MUC4: variants seen among roughly 807,000 people sequenced by gnomAD.
MUC4 encodes mucin-4.
A neutral mutation model predicts 257.9 loss-of-function variants in MUC4; 202 were observed. The ratio of observed to expected loss-of-function variants is 0.78; its 90% confidence interval spans 0.70 to 0.88. MUC4 has a LOEUF of 0.88. Among genes scored for constraint, MUC4 ranks in the 40% least tolerant of loss-of-function variants. The pLI is 0.00. For synonymous variants in MUC4, 2,351 were observed against 2,757.1 expected (o/e 0.85, Z 4.62); for missense variants, 5,976 against 6,513.7 (o/e 0.92, Z 2.84).
chr3:195,781,266 G>T lies in MUC4; in HGVS notation c.10314C>A (p.Ala3438=). 1 of 1,505,546 alleles carries T rather than the reference G, an allele frequency of 6.6e-7. No homozygotes were observed. The highest frequency in any genetic ancestry group is 1.2e-5 in the South Asian group (1 of 81,078). The allele number at this position is 1,505,546 out of a possible 1,614,324, so 93.3% of individuals were successfully genotyped here. A position where few individuals can be genotyped will look rare whatever the true frequency, so the allele number is the denominator to read the frequency against. The change falls in exon 2 of 25, where the codon GCC becomes GCA. Residue 3438 remains alanine, a synonymous_variant. Coordinates refer to ENST00000463781, the MANE Select transcript of MUC4 (RefSeq NM_018406.7). ...TSTSSASTGH[A]TPVPVTSTSS... Reference sequence around the variant, plus strand: ...AAGTGCTGGTGACAGGAACAGGGGTGGCGTGACCGGTGGATGCTGAGGAAG... The same window carrying T: ...AAGTGCTGGTGACAGGAACAGGGGTTGCGTGACCGGTGGATGCTGAGGAAG...
intron 1 of MUC4, among the ~76,000 whole-genome samples, chr3:195,811,464 C>T (rs564296937): frequency 9.2e-5 from 14 of 152,202 alleles, no homozygotes; most frequent in Admixed American, 3.9e-4. Context: ...TGAGCCACCG[C>T]GCACGGCCTC....
At position 195,775,438 on chromosome 3, in the gene MUC4, A is replaced by G. The variant is rs866106348; in HGVS notation, c.12944-1133T>C. Among the ~76,000 whole-genome samples the G allele has an allele frequency of 8.1e-4, 69 of 85,466 alleles. 2 individuals carry two copies. The highest frequency in any genetic ancestry group is 2.3e-3 in the African/African-American group (54 of 23,772). 56.1% of individuals were successfully genotyped at this position (85,466 alleles called of 152,430 possible). On this transcript the variant is annotated intron_variant, in intron 3 of 24. Transcript: ENST00000463781. Reference sequence around the variant, plus strand: ...TACCTTCCACACCCATACCTTCCACACCCATACCTTCCACACCCATACCTT... The same window carrying G: ...TACCTTCCACACCCATACCTTCCACGCCCATACCTTCCACACCCATACCTT...
rs1275399465 is a variant in MUC4, at chr3:195,754,053, T to TGATTTCCCACACCTGCCTA, written c.15328+141_15328+159dup. ...CCTAGATTTCCCATACCTGCCTAGA[T>TGATTTCCCACACCTGCCTA]GATTTCCCACACCTGCCTAGATTTC... On this transcript the variant is annotated intron_variant, in intron 19 of 24. Coordinates refer to ENST00000463781, the MANE Select transcript of MUC4 (RefSeq NM_018406.7). The TGATTTCCCACACCTGCCTA allele has an allele frequency of 7.0e-5, 71 of 1,010,332 alleles. No individual in the cohort carries two copies. The East Asian group carries it at 1.6e-3, about 23-fold the overall frequency. The allele number at this position is 1,010,332 out of a possible 1,614,324, so 62.6% of individuals were successfully genotyped here.
chr3:195,768,732 A>C (rs1722156457), intron 7 of MUC4, among the ~76,000 whole-genome samples: 1 of 152,238 alleles, frequency 6.6e-6, no homozygotes, highest in South Asian at 2.1e-4. Context: ...ATATTTGAGA[A>C]GGTAAGAGAG....
In MUC4 at chr3:195,788,944, G is replaced by T. The variant is rs772959197; in HGVS notation, c.2636C>A (p.Ala879Asp). Reference sequence around the variant, plus strand: ...TCCTGTCGGTCTCCCTGCAGTGGAGGCCTCAGAGAGGGTGGGATGAAAGGT... The same window carrying T: ...TCCTGTCGGTCTCCCTGCAGTGGAGTCCTCAGAGAGGGTGGGATGAAAGGT... ...PGTFHPTLSEASTAGRPTGQS... is the reference protein window; with the variant it reads ...PGTFHPTLSEDSTAGRPTGQS... Residue 879 changes from alanine (A) to aspartate (D), a missense_variant, in exon 2 of 25, where the codon GCC (alanine) becomes GAC (aspartate). Around this residue, in one of 44 missense-constraint regions of MUC4, gnomAD observed 1,583 missense variants for 1,257.4 expected, o/e 1.26. Coordinates refer to ENST00000463781, the MANE Select transcript of MUC4 (RefSeq NM_018406.7). 4.3e-6 allele frequency: 7 copies of T among 1,613,590 alleles called. No homozygotes were observed. In the South Asian group the frequency reaches 6.6e-5, roughly 15 times the overall value.
At position 195,761,120 on chromosome 3, in the gene MUC4, G is replaced by A. The variant is rs368127154; in HGVS notation, c.14615-3C>T. On this transcript the variant is annotated splice_polypyrimidine_tract_variant and splice_region_variant and intron_variant, in intron 15 of 24. Coordinates refer to ENST00000463781, the MANE Select transcript of MUC4 (RefSeq NM_018406.7). ...GAGGCCTGTCCCGTTGATCTGCCCT[G>A]TAACACACAGAGCGCGGTGGTACCA... 2.9e-5 allele frequency: 47 copies of A among 1,613,464 alleles called. No individual in the cohort carries two copies. The African/African-American group carries it at 4.8e-4, about 16-fold the overall frequency.
chr3:195,786,196 A>G lies in MUC4; in HGVS notation c.5384T>C (p.Val1795Ala), dbSNP rs776245764. Residue 1795 changes from valine (V) to alanine (A), a missense_variant, in exon 2 of 25, where the codon GTC (valine) becomes GCC (alanine). Physicochemically the swap from Val to Ala is moderately conservative, Grantham distance 64. Around this residue, in one of 44 missense-constraint regions of MUC4, gnomAD observed 9 missense variants for 61.2 expected, o/e 0.15. Transcript: ENST00000463781. ...ASTDDTTRLP[V>A]TDVSSASTGQ... ...TGTGGATGCCGAGGAAACGTCGGTG[A>G]CAGGAAGACGGGTGGTGTCATCTGT... 1.3e-6 allele frequency: 2 copies of G among 1,483,198 alleles called. No homozygotes were observed. The highest frequency in any genetic ancestry group is 1.2e-5 in the South Asian group (1 of 81,126). 91.9% of individuals were successfully genotyped at this position (1,483,198 alleles called of 1,614,324 possible).
At position 195,786,906 on chromosome 3, in the gene MUC4, A is replaced by G; in HGVS notation, c.4674T>C (p.Ala1558=). ...TGGTGTGACCTGTGGATACTGAGGA[A>G]GCGTCGGTGACAGGAAGAGGGGTGG... The part of the protein sequence containing the change: ...GDTTPLPVTD[A]SSVSTGHTTP... Residue 1558 remains alanine (A), a synonymous_variant, in exon 2 of 25, where the codon GCT becomes GCC. Transcript: ENST00000463781. 1 of 1,507,482 alleles carries G rather than the reference A, an allele frequency of 6.6e-7. No individual in the cohort carries two copies. 93.4% of individuals were successfully genotyped at this position (1,507,482 alleles called of 1,614,324 possible).
rs750548622 is a variant in MUC4 at position 195,789,550 on chromosome 3, G to T, written c.2030C>A (p.Ser677Ter). The T allele has an allele frequency of 3.1e-6, 5 of 1,613,906 alleles. No individual in the cohort carries two copies. The South Asian group carries it at 4.4e-5, about 14-fold the overall frequency. Residue 677 changes from serine to a stop codon, truncating the protein, a stop_gained, in exon 2 of 25, where the codon TCG becomes TAG. Transcript: ENST00000463781. LOFTEE classifies it high-confidence loss of function. The part of the protein sequence containing the change: ...PGSSFTASGH[S>*]PSEIVPQDAP... ...GTCCTGAGGAACAATTTCTGAGGGC[G>T]AGTGCCCACTGGCTGTGAAGGAAGA...
At chr3:195,801,068 G>A (rs1025449065) in intron 1 of MUC4, among the ~76,000 whole-genome samples, 7 of 152,122 alleles carry the variant, frequency 4.6e-5, no homozygotes, top group Admixed American at 1.3e-4. Context: ...AAACCATCTC[G>A]CTGAAGTTGT....
chr3:195,762,017 C>T, intron 14 of MUC4, 70 bp downstream of exon 14: 2 of 1,492,742 alleles, frequency 1.3e-6, no homozygotes, highest in Non-Finnish European at 1.8e-6. Flanking sequence ...GCTGCCCGGG[C>T]CGCCGGCGTG....
In MUC4 at chr3:195,780,186, A is replaced by T; in HGVS notation, c.11394T>A (p.Thr3798=). The T allele has an allele frequency of 6.7e-7, 1 of 1,497,638 alleles. No individual in the cohort carries two copies. The highest frequency in any genetic ancestry group is 9.1e-7 in the Non-Finnish European group (1 of 1,103,698). The allele number at this position is 1,497,638 out of a possible 1,614,324, so 92.8% of individuals were successfully genotyped here. The change falls in exon 2 of 25, where the codon ACT becomes ACA. Residue 3798 remains threonine (T), a synonymous_variant. Coordinates refer to ENST00000463781, the MANE Select transcript of MUC4 (RefSeq NM_018406.7). ...GDTTPLPVTD[T]SSASTGQATP... ...TGGCCTGACCTGTGGATGCTGAGGA[A>T]GTGTCGGTGACAGGAAGAGGGGTGG...
At chr3:195,811,202 C>T (rs1165361119) in intron 1 of MUC4, among the ~76,000 whole-genome samples, 1 of 151,430 alleles carries the variant, frequency 6.6e-6, no homozygotes, top group Non-Finnish European at 1.5e-5. Flanking sequence ...GAGACAGAGT[C>T]TCGCTCTCTC....
chr3:195,764,845 G>A, intron 10 of MUC4, 152 bp downstream of exon 10: 2 of 1,128,752 alleles, frequency 1.8e-6, no homozygotes, highest in Admixed American at 2.2e-5. Context: ...ATGTCCGCTG[G>A]TGGGGATGTT....
In MUC4 at chr3:195,766,716, G is replaced by T. The variant is rs530035847; in HGVS notation, c.13565C>A (p.Ser4522Tyr). Residue 4522 changes from serine to tyrosine, a missense_variant, in exon 8 of 25, where the codon TCC becomes TAC. Transcript: ENST00000463781. ...DGYFENSPLM[S>Y]QPVWERYRPD... Reference sequence around the variant, plus strand: ...GCGATACCTCTCCCACACTGGCTGGGACATCAGTGGGCTGTTTTCGAAATA... The same window carrying T: ...GCGATACCTCTCCCACACTGGCTGGTACATCAGTGGGCTGTTTTCGAAATA... The T allele has an allele frequency of 1.2e-6, 2 of 1,614,182 alleles. No homozygotes were observed. Among genetic ancestry groups the T allele is most frequent in the African/African-American group, 1.3e-5 (1 of 75,050 alleles).
intron 13 of MUC4, 125 bp downstream of exon 13, chr3:195,762,730 G>A (rs1262731082): frequency 2.5e-6 from 2 of 796,742 alleles, no homozygotes; most frequent in Non-Finnish European, 1.7e-6. Context: ...CCACGCGCCC[G>A]GCCCTGCACC....
chr3:195,778,139 G>T, intron 3 of MUC4, 164 bp downstream of exon 3: 1 of 920,190 alleles, frequency 1.1e-6, no homozygotes, highest in Non-Finnish European at 1.6e-6. Context: ...CTGGCCCAGT[G>T]CCATGCACAA....
rs1219882014 is a variant in MUC4, at chr3:195,783,193, C to T, written c.8387G>A (p.Gly2796Asp). The T allele has an allele frequency of 4.4e-6, 6 of 1,376,578 alleles. No homozygotes were observed. The South Asian group carries it at 4.9e-5, about 11-fold the overall frequency. The allele number at this position is 1,376,578 out of a possible 1,614,324, so 85.3% of individuals were successfully genotyped here. A position where few individuals can be genotyped will look rare whatever the true frequency, so the allele number is the denominator to read the frequency against. ...HVTSPSSAST[G>D]HTTPLPVTDA... ...GGTGACAGGAAGAGGGGTGGTGTGA[C>T]CTGTGGATGCTGAGGAAGGGCTGGT... The change falls in exon 2 of 25, where the codon GGT (glycine) becomes GAT (aspartate). Residue 2796 changes from glycine to aspartate, a missense_variant. Around this residue, in one of 44 missense-constraint regions of MUC4, gnomAD observed 228 missense variants for 206.3 expected, o/e 1.11. Coordinates refer to ENST00000463781, the MANE Select transcript of MUC4 (RefSeq NM_018406.7).
At chr3:195,753,373 C>G (rs549519667) in intron 19 of MUC4, 143 bp from the exon 20 acceptor site, 226 of 777,540 alleles carry the variant, frequency 2.9e-4, no homozygotes, top group African/African-American at 2.9e-3. Context: ...ATCCTTCCCC[C>G]CTTTTCCAGG....
Sources: gnomAD v4.1 joint callset for allele counts (sites outside exome capture counted in the v4.1 genomes callset) on GRCh38, gnomAD v4.1.1 for gene constraint, gnomAD v4.1.1 regional missense constraint, MANE v1.5 for transcripts, NCBI Gene and HGNC (gene_info 2026-07-23, HGNC 2026-07-21) for gene names.